Variants in TMEM132D observed in about 807,000 individuals in gnomAD.
The protein encoded by TMEM132D is transmembrane protein 132D.
A neutral mutation model predicts 62.3 loss-of-function variants in TMEM132D; 21 were observed. That is an observed-to-expected ratio of 0.34 (90% CI 0.24 to 0.49). The LOEUF (loss-of-function observed/expected upper bound fraction) is 0.49, where lower values mean the gene tolerates loss of function less well. Ranked by LOEUF, TMEM132D falls within the 20% of genes least tolerant of loss-of-function variation. The pLI is 0.99. For missense variants in TMEM132D, 1,346 were observed against 1,402.8 expected (o/e 0.96, Z 0.65); for synonymous variants, 621 against 575.6 (o/e 1.08, Z -1.13).
intron 5 of TMEM132D, among the ~76,000 whole-genome samples, chr12:129,180,622 AG>A (rs1177794688): frequency 6.6e-6 from 1 of 152,202 alleles, no homozygotes; most frequent in African/African-American, 2.4e-5. Context: ...TTGAGTAAGG[AG>A]GAGAGTTAAA....
At position 129,337,718 on chromosome 12, in the gene TMEM132D, G is replaced by A. The variant is rs1222161369; in HGVS notation, c.1215C>T (p.Tyr405=). 1 of 1,614,096 alleles carries A rather than the reference G, an allele frequency of 6.2e-7. No individual in the cohort carries two copies. Among genetic ancestry groups the A allele is most frequent in the African/African-American group, 1.3e-5 (1 of 74,954 alleles). Residue 405 remains tyrosine, a synonymous_variant, in exon 4 of 9, where the codon TAC becomes TAT. Coordinates refer to ENST00000422113, the MANE Select transcript of TMEM132D (RefSeq NM_133448.3). ...CCAAGTCAGACGTGATCTCTCCGGG[G>A]TACTCGACCTGCCACGTGACCAGCT... ...ATQLVTWQVE[Y]PGEITSDLGV...
chr12:129,430,169 C>T (rs1196386569), intron 3 of TMEM132D, among the ~76,000 whole-genome samples: 1 of 152,140 alleles, frequency 6.6e-6, no homozygotes, highest in Non-Finnish European at 1.5e-5. Context: ...CTGACTTCCA[C>T]AATGGTTGAA....
At chr12:129,451,578 CCAAAGACTA>C (rs1330837908) in intron 3 of TMEM132D, among the ~76,000 whole-genome samples, 7 of 152,016 alleles carry the variant, frequency 4.6e-5, no homozygotes, top group Non-Finnish European at 8.8e-5. Flanking sequence ...ATATGTGAAG[CCAAAGACTA>C]AATTTGAATA....
intron 4 of TMEM132D, among the ~76,000 whole-genome samples, chr12:129,251,052 A>G (rs1880249389): frequency 6.6e-6 from 1 of 152,178 alleles, no homozygotes; most frequent in South Asian, 2.1e-4. Context: ...ATTTGGAAAC[A>G]CTGAGCAAGA....
At chr12:129,719,886 T>G (rs1237265830) in intron 1 of TMEM132D, among the ~76,000 whole-genome samples, 1 of 152,238 alleles carries the variant, frequency 6.6e-6, no homozygotes, top group Admixed American at 6.5e-5. Flanking sequence ...CTCACTTGTT[T>G]GTTTACTGAC....
chr12:129,222,366 T>C (rs1879371007), intron 4 of TMEM132D, among the ~76,000 whole-genome samples: 1 of 152,242 alleles, frequency 6.6e-6, no homozygotes, highest in Non-Finnish European at 1.5e-5. Context: ...TGAAATGCCA[T>C]AGCACGTATC....
intron 3 of TMEM132D, among the ~76,000 whole-genome samples, chr12:129,433,489 G>T (rs527343483): frequency 1.3e-5 from 2 of 151,980 alleles, no homozygotes; most frequent in South Asian, 2.1e-4. Flanking sequence ...AGCATTTCTC[G>T]TTGATCCTCC....
rs1877157084 is a variant in TMEM132D, at chr12:129,559,570, T to C, written c.969-28365A>G. Among the ~76,000 whole-genome samples, 4 of 152,354 alleles carry C rather than the reference T, an allele frequency of 2.6e-5. No individual in the cohort carries two copies. The South Asian group carries it at 6.2e-4, about 24-fold the overall frequency. Reference sequence around the variant, plus strand: ...TTACGTGTGTGAGAGGTTTCATAAGTTATTACCATCTAAGAGCATAAATGG... The same window carrying C: ...TTACGTGTGTGAGAGGTTTCATAAGCTATTACCATCTAAGAGCATAAATGG... On this transcript the variant is annotated intron_variant, in intron 2 of 8. Transcript: ENST00000422113.
At chr12:129,360,504 G>A (rs369869204) in intron 3 of TMEM132D, among the ~76,000 whole-genome samples, 1 of 152,194 alleles carries the variant, frequency 6.6e-6, no homozygotes, top group Non-Finnish European at 1.5e-5. Context: ...TAAAAGAGAC[G>A]AGGGGAGCAG....
chr12:129,181,159 C>A (rs1383965338), intron 5 of TMEM132D, among the ~76,000 whole-genome samples: 2 of 152,152 alleles, frequency 1.3e-5, no homozygotes, highest in Non-Finnish European at 2.9e-5. Flanking sequence ...TCCAATTTTT[C>A]TCTCCAGATT....
intron 3 of TMEM132D, among the ~76,000 whole-genome samples, chr12:129,417,958 G>A (rs555059469): frequency 2.6e-5 from 4 of 152,248 alleles, no homozygotes; most frequent in East Asian, 1.9e-4. Flanking sequence ...AAAGCTCATC[G>A]TCACTGGTCA....
At chr12:129,405,346 C>T (rs1871750158) in intron 3 of TMEM132D, among the ~76,000 whole-genome samples, 2 of 152,134 alleles carry the variant, frequency 1.3e-5, no homozygotes, top group South Asian at 2.1e-4. Flanking sequence ...CATGACCTTA[C>T]CTAAATCTAA....
intron 2 of TMEM132D, among the ~76,000 whole-genome samples, chr12:129,543,666 G>A (rs1239156598): frequency 1.3e-5 from 2 of 152,156 alleles, no homozygotes; most frequent in Non-Finnish European, 2.9e-5. Context: ...GCCATGGGTG[G>A]TCCAAGTATG....
intron 2 of TMEM132D, among the ~76,000 whole-genome samples, chr12:129,653,676 A>T (rs1879990215): frequency 6.6e-6 from 1 of 152,212 alleles, no homozygotes; most frequent in Non-Finnish European, 1.5e-5. Context: ...CACTCCCTAC[A>T]GAGCTCCTTT....
chr12:129,568,229 C>T (rs1877420291), intron 2 of TMEM132D, among the ~76,000 whole-genome samples: 2 of 152,210 alleles, frequency 1.3e-5, no homozygotes, highest in Non-Finnish European at 2.9e-5. Context: ...TTGGAATTTT[C>T]AGTTTCCTAA....
chr12:129,730,951 T>C (rs1593139080), intron 1 of TMEM132D, among the ~76,000 whole-genome samples: 1 of 152,266 alleles, frequency 6.6e-6, no homozygotes, highest in Non-Finnish European at 1.5e-5. Context: ...GCTCCTCATC[T>C]AGCAGATAGC....
At chr12:129,151,689 C>T (rs1434818040) in intron 5 of TMEM132D, among the ~76,000 whole-genome samples, 2 of 152,208 alleles carry the variant, frequency 1.3e-5, no homozygotes, top group Non-Finnish European at 2.9e-5. Context: ...TTGGGATTCG[C>T]TAGACCTTCT....
intron 4 of TMEM132D, among the ~76,000 whole-genome samples, chr12:129,242,439 T>A (rs1879961891): frequency 3.9e-5 from 6 of 152,198 alleles, no homozygotes; most frequent in Admixed American, 3.9e-4. Context: ...TACACCAACT[T>A]TCTTTTGGTT....
In TMEM132D at chr12:129,472,875, C is replaced by CT. The variant is rs1182786304; in HGVS notation, c.1115+58183dup. Among the ~76,000 whole-genome samples, 167 of 150,496 alleles carry CT rather than the reference C, an allele frequency of 1.1e-3. 1 individual carries two copies. The highest frequency in any genetic ancestry group is 3.6e-3 in the African/African-American group (149 of 41,212). On this transcript the variant is annotated intron_variant, in intron 3 of 8. Transcript: ENST00000422113. ...ACTTCACTGTTGTCTTATTTTAAGA[C>CT]TTTTTTTTTTTTTGAGACAGAGTTT...
Sources: gnomAD v4.1 joint callset for allele counts (sites outside exome capture counted in the v4.1 genomes callset) on GRCh38, gnomAD v4.1.1 for gene constraint, MANE v1.5 for transcripts, NCBI Gene and HGNC (gene_info 2026-07-23, HGNC 2026-07-21) for gene names.